Variants in SLFN12 observed in about 807,000 individuals in gnomAD.
The protein encoded by SLFN12 is schlafen family member 12.
A neutral mutation model predicts 29.1 loss-of-function variants in SLFN12; 25 were observed. The observed-to-expected ratio is 0.86, with a 90% confidence interval of 0.63 to 1.20. The LOEUF (loss-of-function observed/expected upper bound fraction) is 1.20, where lower values mean the gene tolerates loss of function less well. Among genes scored for constraint, SLFN12 ranks in the 50% most tolerant of loss-of-function variants. The probability of loss-of-function intolerance (pLI) is 0.00; values close to 1 mark genes in which losing one functional copy is unlikely to be tolerated. For synonymous variants in SLFN12, 257 were observed against 238.7 expected (o/e 1.08, Z -0.71); for missense variants, 660 against 666.2 (o/e 0.99, Z 0.10).
chr17:35,419,535 A>C (rs1911506574), intron 3 of SLFN12, among the ~76,000 whole-genome samples: 1 of 152,142 alleles, frequency 6.6e-6, no homozygotes, highest in Non-Finnish European at 1.5e-5. Flanking sequence ...AACCCAATCA[A>C]TAACCAGGGA....
At chr17:35,424,870 T>C (rs572287323) in intron 1 of SLFN12, among the ~76,000 whole-genome samples, 1 of 152,264 alleles carries the variant, frequency 6.6e-6, no homozygotes, top group Admixed American at 6.5e-5. Flanking sequence ...ATATTGATCA[T>C]GTACAATGTG....
chr17:35,422,866 C>A lies in SLFN12; in HGVS notation c.163G>T (p.Gly55Ter). The A allele has an allele frequency of 1.2e-6, 2 of 1,614,010 alleles. No homozygotes were observed. ...SRAMCALLNS[G>*]GGVIKAEIEN... ...ATTTCAGCCTTGATCACTCCCCCTC[C>A]AGAATTGAGCAGAGCACACATAGCT... is the stretch of plus-strand genomic sequence containing the variant. Residue 55 changes from glycine to a stop codon, truncating the protein, a stop_gained, in exon 2 of 4, where the codon GGA becomes TGA. Transcript: ENST00000304905. LOFTEE classifies it high-confidence loss of function.
rs765654679 is a variant in SLFN12 at position 35,422,118 on chromosome 17, G to T, written c.911C>A (p.Ala304Glu). The T allele has an allele frequency of 2.5e-6, 4 of 1,613,990 alleles. No homozygotes were observed. The African/African-American group carries it at 5.3e-5, about 22-fold the overall frequency. The stretch of plus-strand genomic sequence containing the variant: ...ACAGCAGAAGCGCTCCACTCTGAGT[G>T]CACAGACATATCCACAAAGACTTCC... ...DKGSLCGYVCALRVERFCCAV... is the reference protein window; with the variant it reads ...DKGSLCGYVCELRVERFCCAV... Residue 304 changes from alanine to glutamate, a missense_variant, in exon 2 of 4, where the codon GCA becomes GAA. By Grantham distance (107) the Ala-to-Glu change is moderately radical. Transcript: ENST00000304905.
At chr17:35,431,940 A>C (rs1306897358) in intron 1 of SLFN12, 1 of 152,174 alleles carries the variant, frequency 6.6e-6, no homozygotes, top group Non-Finnish European at 1.5e-5. Flanking sequence ...ATCAGGGACC[A>C]CAACCAGAAA....
At chr17:35,415,000 C>T (rs956730699) in intron 3 of SLFN12, among the ~76,000 whole-genome samples, 1 of 149,628 alleles carries the variant, frequency 6.7e-6, no homozygotes, top group Non-Finnish European at 1.5e-5. Flanking sequence ...CTTCGCAGAA[C>T]TAGAAAAAAT....
chr17:35,430,303 G>C (rs1391278525), intron 1 of SLFN12, among the ~76,000 whole-genome samples: 1 of 152,070 alleles, frequency 6.6e-6, no homozygotes, highest in Non-Finnish European at 1.5e-5. Flanking sequence ...TAAAGTCTTA[G>C]AATGAGCAAC....
rs573327050 is a variant in SLFN12, at chr17:35,422,653, A to G, written c.376T>C (p.Leu126=). 6.8e-6 allele frequency: 11 copies of G among 1,613,840 alleles called. No homozygotes were observed. In the South Asian group the frequency reaches 1.2e-4, roughly 18 times the overall value. Residue 126 remains leucine (L), a synonymous_variant, in exon 2 of 4, where the codon TTG becomes CTG. Coordinates refer to ENST00000304905, the MANE Select transcript of SLFN12 (RefSeq NM_018042.5). ...GCAGATGTTATATCTCTTTTGTACA[A>G]ATTGGAGCTCAAGGTGGTAATCCGC... is the stretch of plus-strand genomic sequence containing the variant. ...GLRITTLSSN[L]YKRDITSAKV...
At chr17:35,416,418 T>C (rs1911317430) in intron 3 of SLFN12, among the ~76,000 whole-genome samples, 1 of 152,128 alleles carries the variant, frequency 6.6e-6, no homozygotes, top group Non-Finnish European at 1.5e-5. Flanking sequence ...GCTCAGGTGA[T>C]AGCTGCACCA....
intron 1 of SLFN12, among the ~76,000 whole-genome samples, chr17:35,429,184 A>G (rs1170141721): frequency 6.6e-6 from 1 of 152,070 alleles, no homozygotes; most frequent in Non-Finnish European, 1.5e-5. Flanking sequence ...CATACACAGA[A>G]GGGGACAGAA....
intron 1 of SLFN12, among the ~76,000 whole-genome samples, chr17:35,425,327 A>G (rs1482885550): frequency 1.2e-4 from 18 of 151,994 alleles, no homozygotes; most frequent in Non-Finnish European, 2.5e-4. Flanking sequence ...AAAGAATACA[A>G]CATATTGTTA....
intron 3 of SLFN12, among the ~76,000 whole-genome samples, chr17:35,415,443 C>T (rs768389010): frequency 9.9e-5 from 15 of 152,048 alleles, no homozygotes; most frequent in African/African-American, 1.4e-4. Context: ...CAATTCTAGA[C>T]GTTGGCTTAG....
chr17:35,415,760 G>T (rs766101481), intron 3 of SLFN12, among the ~76,000 whole-genome samples: 1 of 152,078 alleles, frequency 6.6e-6, no homozygotes, highest in Non-Finnish European at 1.5e-5. Context: ...ATGAAAATAT[G>T]CTCAACATCA....
chr17:35,419,206 G>C (rs182481975), intron 3 of SLFN12, among the ~76,000 whole-genome samples: 6 of 152,136 alleles, frequency 3.9e-5, no homozygotes, highest in Admixed American at 2.6e-4. Flanking sequence ...CTAGTGTATA[G>C]AAGGATCTCT....
chr17:35,423,995 T>A (rs936922510), intron 1 of SLFN12, among the ~76,000 whole-genome samples: 9 of 152,132 alleles, frequency 5.9e-5, no homozygotes, highest in African/African-American at 2.2e-4. Flanking sequence ...AAATTTCTGT[T>A]ATTTGTAAGC....
intron 3 of SLFN12, among the ~76,000 whole-genome samples, chr17:35,418,748 G>T (rs1911460205): frequency 6.6e-6 from 1 of 152,134 alleles, no homozygotes; most frequent in Non-Finnish European, 1.5e-5. Flanking sequence ...AGATCATGGT[G>T]AAAGTGAGAC....
chr17:35,421,844 C>A (rs1405461398), intron 2 of SLFN12, 146 bp downstream of exon 2: 6 of 1,186,240 alleles, frequency 5.1e-6, no homozygotes, highest in Non-Finnish European at 5.8e-6. Context: ...CTGGCCGAGG[C>A]AGGGAACTAT....
intron 1 of SLFN12, among the ~76,000 whole-genome samples, chr17:35,428,099 G>A (rs142689531): frequency 0.014 from 2,173 of 152,170 alleles, 34 homozygotes; most frequent in Middle Eastern, 0.034. Context: ...TGTGCCTTAG[G>A]TACATAATTA....
At chr17:35,416,455 C>A (rs1399923118) in intron 3 of SLFN12, among the ~76,000 whole-genome samples, 1 of 152,052 alleles carries the variant, frequency 6.6e-6, no homozygotes, top group Non-Finnish European at 1.5e-5. Flanking sequence ...CACTAAAGAA[C>A]TTATTCATGT....
intron 1 of SLFN12, among the ~76,000 whole-genome samples, chr17:35,423,520 C>T (rs1203615283): frequency 2.0e-5 from 3 of 152,034 alleles, no homozygotes; most frequent in African/African-American, 7.2e-5. Flanking sequence ...TGGAAGATTT[C>T]CCGTTAAGGT....
Sources: gnomAD v4.1 joint callset for allele counts (sites outside exome capture counted in the v4.1 genomes callset) on GRCh38, gnomAD v4.1.1 for gene constraint, MANE v1.5 for transcripts, NCBI Gene and HGNC (gene_info 2026-07-23, HGNC 2026-07-21) for gene names.